Variants in HKDC1 observed in about 807,000 individuals in gnomAD.
HKDC1 encodes hexokinase domain containing 1, also known as hexokinase HKDC1.
Under a neutral mutation model 96.6 loss-of-function variants are expected in HKDC1, and 66 were observed. The ratio of observed to expected loss-of-function variants is 0.68; its 90% CI spans 0.56 to 0.84. The LOEUF (loss-of-function observed/expected upper bound fraction) is 0.84. Among genes scored for constraint, HKDC1 ranks in the 40% least tolerant of loss-of-function variants. The pLI is 0.00. For synonymous variants in HKDC1, 466 were observed against 473.1 expected (o/e 0.98, Z 0.20); for missense variants, 1,211 against 1,208.1 (o/e 1.00, Z -0.04).
Position 69,220,349 on chromosome 10 carries a change from C to A in HKDC1, c.-87C>A, listed in dbSNP as rs1207494337. ...TCCCCAGGAGGTCTGCCAGCCTGGA[C>A]TGGAAGCGTGCAACACTCCAGAGTC... is the stretch of plus-strand genomic sequence containing the variant. On this transcript the variant is annotated 5_prime_UTR_variant, in exon 1 of 18. The change creates a new upstream start codon in the 5' untranslated region. Transcript: ENST00000354624. 2.0e-6 allele frequency: 2 copies of A among 1,012,298 alleles called. No homozygotes were observed. The highest frequency in any genetic ancestry group is 2.8e-6 in the Non-Finnish European group (2 of 706,320). 62.7% of individuals were successfully genotyped at this position (1,012,298 alleles called of 1,614,324 possible). A position where few individuals can be genotyped will look rare whatever the true frequency, so the allele number is the denominator to read the frequency against.
chr10:69,228,375 C>T (rs1452994900), intron 2 of HKDC1, among the ~76,000 whole-genome samples: 1 of 152,160 alleles, frequency 6.6e-6, no homozygotes, highest in Non-Finnish European at 1.5e-5. Context: ...CAATTTTGAT[C>T]CCATCTGCAA....
chr10:69,225,149 C>T (rs181071607), intron 1 of HKDC1, among the ~76,000 whole-genome samples: 1 of 152,174 alleles, frequency 6.6e-6, no homozygotes, highest in Non-Finnish European at 1.5e-5. Flanking sequence ...TCGCAAATGA[C>T]CCCAACTGGG....
intron 14 of HKDC1, among the ~76,000 whole-genome samples, chr10:69,258,127 G>A (rs1843748465): frequency 6.6e-6 from 1 of 152,178 alleles, no homozygotes; most frequent in African/African-American, 2.4e-5. Context: ...TATCTCCCAT[G>A]CCAGGTAAGA....
intron 10 of HKDC1, 76 bp from the exon 11 acceptor site, chr10:69,250,214 C>A: frequency 6.6e-7 from 1 of 1,525,880 alleles, no homozygotes; most frequent in Non-Finnish European, 8.9e-7. Context: ...CGCTCTGCTC[C>A]GACGTCTCCT....
chr10:69,250,154 G>GC lies in HKDC1; in HGVS notation c.1571-131dup, dbSNP rs1293545661. ...CGGGGCCCGGGCACTGTGCAGGGTG[G>GC]CCCCCACGACCCTCTGGTCTATGAG... On this transcript the variant is annotated intron_variant, in intron 10 of 17. Coordinates refer to ENST00000354624, the MANE Select transcript of HKDC1 (RefSeq NM_025130.4). 5.2e-6 allele frequency: 5 copies of GC among 955,928 alleles called. No individual in the cohort carries two copies. The East Asian group carries it at 1.2e-4, about 23-fold the overall frequency. 59.2% of individuals were successfully genotyped at this position (955,928 alleles called of 1,614,324 possible). A position where few individuals can be genotyped will look rare whatever the true frequency, so the allele number is the denominator to read the frequency against.
rs774803161 is a variant in HKDC1 at position 69,250,578 on chromosome 10, A to C, written c.1762A>C (p.Met588Leu). The change falls in exon 12 of 18, where the codon ATG (methionine) becomes CTG (leucine). Residue 588 changes from methionine (M) to leucine (L), a missense_variant. Transcript: ENST00000354624. ...VQCIADFLDY[M>L]GLKGASLPLG... ...GTGCATCGCCGACTTCCTGGACTACATGGGCCTCAAGGGAGCCTCCCTACC... is the reference window on the plus strand; with the variant it reads ...GTGCATCGCCGACTTCCTGGACTACCTGGGCCTCAAGGGAGCCTCCCTACC... 3 of 1,614,040 alleles carry C rather than the reference A, an allele frequency of 1.9e-6. No individual in the cohort carries two copies. The South Asian group carries it at 3.3e-5, about 18-fold the overall frequency.
In HKDC1 at chr10:69,248,689, A is replaced by G. The variant is rs1015904512; in HGVS notation, c.1531A>G (p.Met511Val). The change falls in exon 10 of 18, where the codon ATG becomes GTG. Residue 511 changes from methionine (M) to valine (V), a missense_variant. Physicochemically the swap from Met to Val is conservative, Grantham distance 21 (BLOSUM62 1). Coordinates refer to ENST00000354624, the MANE Select transcript of HKDC1 (RefSeq NM_025130.4). ...KKSHGLATVR[M>V]LPTYVCGLPD... Reference sequence around the variant, plus strand: ...GAGCCACGGGCTGGCCACGGTCAGGATGCTGCCCACCTACGTCTGCGGGCT... The same window carrying G: ...GAGCCACGGGCTGGCCACGGTCAGGGTGCTGCCCACCTACGTCTGCGGGCT... 3 of 1,613,354 alleles carry G rather than the reference A, an allele frequency of 1.9e-6. No homozygotes were observed. Among genetic ancestry groups the G allele is most frequent in the Non-Finnish European group, 2.5e-6 (3 of 1,179,552 alleles).
Position 69,247,574 on chromosome 10 carries a change from C to A in HKDC1, c.1246C>A (p.Leu416Ile). 6.2e-7 allele frequency: 1 copy of A among 1,614,046 alleles called. No homozygotes were observed. Among genetic ancestry groups the A allele is most frequent in the Non-Finnish European group, 8.5e-7 (1 of 1,179,964 alleles). Residue 416 changes from leucine (L) to isoleucine (I), a missense_variant, in exon 9 of 18, where the codon CTC becomes ATC. By Grantham distance (5) the Leu-to-Ile change is conservative. Transcript: ENST00000354624. Reference protein sequence around the residue: ...LRTTVGMDGTLYKIHPQYPKR... With the variant: ...LRTTVGMDGTIYKIHPQYPKR... ...GACCACAGTGGGCATGGACGGCACC[C>A]TCTACAAGATACACCCTCAGTGAGT...
At chr10:69,231,591 T>C (rs1292981986) in intron 2 of HKDC1, among the ~76,000 whole-genome samples, 1 of 152,196 alleles carries the variant, frequency 6.6e-6, no homozygotes, top group Non-Finnish European at 1.5e-5. Context: ...AGCTTTGACC[T>C]GGATATCTCT....
chr10:69,252,957 A>G (rs914853706), intron 12 of HKDC1, among the ~76,000 whole-genome samples: 1 of 150,778 alleles, frequency 6.6e-6, no homozygotes, highest in African/African-American at 2.5e-5. Flanking sequence ...CAATATAGCA[A>G]GACCCCATCT....
chr10:69,228,406 G>T (rs1387041350), intron 2 of HKDC1, among the ~76,000 whole-genome samples: 1 of 152,138 alleles, frequency 6.6e-6, no homozygotes, highest in East Asian at 1.9e-4. Context: ...CCTTTGCCTT[G>T]CACCCTCAGA....
At chr10:69,252,643 C>CAAA (rs71471534) in intron 12 of HKDC1, among the ~76,000 whole-genome samples, 6 of 64,540 alleles carry the variant, frequency 9.3e-5, no homozygotes, top group Admixed American at 1.7e-4. Context: ...GACTCTGTCT[C>CAAA]AAAAAAAAAA....
Position 69,248,740 on chromosome 10 carries a change from C to T in HKDC1, c.1570+12C>T. On this transcript the variant is annotated intron_variant, in intron 10 of 17. Transcript: ENST00000354624. ...GCCGGACGGCACAGGTGGGCCAGCA[C>T]AGCCTCCCTCTCTGAACAGCCATCC... The T allele has an allele frequency of 2.5e-6, 4 of 1,582,786 alleles. No homozygotes were observed. Among genetic ancestry groups the T allele is most frequent in the Non-Finnish European group, 3.4e-6 (4 of 1,161,102 alleles).
intron 4 of HKDC1, among the ~76,000 whole-genome samples, chr10:69,235,469 CA>C (rs1843346745): frequency 6.6e-6 from 1 of 151,832 alleles, no homozygotes; most frequent in South Asian, 2.1e-4. Context: ...AAAAAACAAA[CA>C]AAAAAGTTTC....
At chr10:69,227,838 T>C (rs1458534613) in intron 2 of HKDC1, among the ~76,000 whole-genome samples, 1 of 152,130 alleles carries the variant, frequency 6.6e-6, no homozygotes, top group Non-Finnish European at 1.5e-5. Flanking sequence ...GCACTGGGAA[T>C]GAGTAATGGG....
chr10:69,258,480 G>C (rs901779183), intron 14 of HKDC1, among the ~76,000 whole-genome samples: 3 of 152,108 alleles, frequency 2.0e-5, no homozygotes, highest in Non-Finnish European at 4.4e-5. Context: ...TGATGATGAT[G>C]ATGATGATGA....
chr10:69,257,631 A>G lies in HKDC1; in HGVS notation c.2032+205A>G, dbSNP rs117521302. On this transcript the variant is annotated intron_variant, in intron 14 of 17. Coordinates refer to ENST00000354624, the MANE Select transcript of HKDC1 (RefSeq NM_025130.4). ...AGGTCATCCTTTCTATTGAGGAAGG[A>G]TAATGACACAGGAAGAAGAGATTTT... is the stretch of plus-strand genomic sequence containing the variant. Among the ~76,000 whole-genome samples, 81 of 152,280 alleles carry G rather than the reference A, an allele frequency of 5.3e-4. 2 individuals are homozygous for G. The East Asian group carries it at 0.015, about 28-fold the overall frequency.
chr10:69,228,639 G>A (rs1843199678), intron 2 of HKDC1, among the ~76,000 whole-genome samples: 1 of 152,168 alleles, frequency 6.6e-6, no homozygotes, highest in Non-Finnish European at 1.5e-5. Context: ...GCCGAGGGGG[G>A]CAGATCACTT....
intron 16 of HKDC1, among the ~76,000 whole-genome samples, chr10:69,264,199 G>C (rs931110833): frequency 6.5e-5 from 3 of 46,138 alleles, no homozygotes; most frequent in East Asian, 2.2e-3. Flanking sequence ...ATTTCCTTCT[G>C]TGTGTGTGTG....
Sources: gnomAD v4.1 joint callset for allele counts (sites outside exome capture counted in the v4.1 genomes callset) on GRCh38, gnomAD v4.1.1 for gene constraint, MANE v1.5 for transcripts, NCBI Gene and HGNC (gene_info 2026-07-23, HGNC 2026-07-21) for gene names.